Variants in SMARCC1 observed in about 807,000 individuals in gnomAD.
The protein encoded by SMARCC1 is SWI/SNF complex subunit SMARCC1.
A neutral mutation model predicts 147.4 loss-of-function variants in SMARCC1; 43 were observed. The observed-to-expected ratio is 0.29, with a 90% CI of 0.23 to 0.38. The LOEUF (loss-of-function observed/expected upper bound fraction) is 0.38. Ranked by LOEUF, SMARCC1 falls within the 10% of genes least tolerant of loss-of-function variation. The pLI, the probability that SMARCC1 is intolerant of heterozygous loss-of-function variation, is 1.00. For missense variants in SMARCC1, 1,119 were observed against 1,381.1 expected (o/e 0.81, Z 3.01); for synonymous variants, 495 against 484.4 (o/e 1.02, Z -0.29).
Position 47,590,050 on chromosome 3 carries a change from G to A in SMARCC1, c.3220+611C>T, listed in dbSNP as rs544926795. Reference sequence around the variant, plus strand: ...CAACCCTCAGGCCAAGGCTGAAGCCGAGCAAGAGCCTATGGGAGAAATGAC... The same window carrying A: ...CAACCCTCAGGCCAAGGCTGAAGCCAAGCAAGAGCCTATGGGAGAAATGAC... On this transcript the variant is annotated intron_variant, in intron 27 of 27. Coordinates refer to ENST00000254480, the MANE Select transcript of SMARCC1 (RefSeq NM_003074.4). Among the ~76,000 whole-genome samples, 66 of 152,258 alleles carry A rather than the reference G, an allele frequency of 4.3e-4. 1 individual carries two copies. In the South Asian group the frequency reaches 0.013, roughly 30 times the overall value.
At chr3:47,636,282 C>A in intron 22 of SMARCC1, 146 bp from the exon 23 acceptor site, 1 of 591,998 alleles carries the variant, frequency 1.7e-6, no homozygotes, top group South Asian at 2.1e-5. Context: ...GAGAACAGCT[C>A]GAAAAGAACT....
chr3:47,757,377 A>G (rs1345498336), intron 2 of SMARCC1, among the ~76,000 whole-genome samples: 1 of 152,212 alleles, frequency 6.6e-6, no homozygotes, highest in Non-Finnish European at 1.5e-5. Context: ...TGCTCACATT[A>G]ATTAATTATT....
intron 21 of SMARCC1, among the ~76,000 whole-genome samples, chr3:47,658,320 G>A (rs914514271): frequency 1.3e-5 from 2 of 152,172 alleles, no homozygotes; most frequent in Non-Finnish European, 2.9e-5. Flanking sequence ...CATTGAAGGA[G>A]TACAAGTCAA....
rs575710181 is a variant in SMARCC1 at position 47,706,662 on chromosome 3, T to C, written c.919-132A>G. On this transcript the variant is annotated intron_variant, in intron 9 of 27. Coordinates refer to ENST00000254480, the MANE Select transcript of SMARCC1 (RefSeq NM_003074.4). ...TAGTTCAGAGCAAATAAAAAGAATA[T>C]CATTAATCATCCAGGAACACCAGTA... 8 of 772,272 alleles carry C rather than the reference T, an allele frequency of 1.0e-5. No homozygotes were observed. In the East Asian group the frequency reaches 2.1e-4, roughly 20 times the overall value. 47.8% of individuals were successfully genotyped at this position (772,272 alleles called of 1,614,324 possible).
intron 27 of SMARCC1, among the ~76,000 whole-genome samples, chr3:47,589,591 AGTT>A (rs1214633554): frequency 2.6e-5 from 4 of 152,202 alleles, no homozygotes; most frequent in African/African-American, 7.2e-5. Flanking sequence ...AATTTTAAAA[AGTT>A]GTTGTGATCT....
intron 21 of SMARCC1, among the ~76,000 whole-genome samples, chr3:47,649,842 T>C (rs2033164011): frequency 6.6e-6 from 1 of 152,144 alleles, no homozygotes. Context: ...CCAACTCTCT[T>C]GAGGGAAAGG....
chr3:47,763,413 A>G (rs2034798345), intron 2 of SMARCC1, among the ~76,000 whole-genome samples: 2 of 151,760 alleles, frequency 1.3e-5, no homozygotes, highest in African/African-American at 4.8e-5. Flanking sequence ...GCTCTAAAAA[A>G]AAAAAAAATT....
chr3:47,761,118 G>T (rs1425739699), intron 2 of SMARCC1, among the ~76,000 whole-genome samples: 1 of 146,830 alleles, frequency 6.8e-6, no homozygotes, highest in Non-Finnish European at 1.5e-5. Flanking sequence ...GGGTAACAGA[G>T]CAAGACTCTG....
intron 15 of SMARCC1, 79 bp from the exon 16 acceptor site, chr3:47,678,390 C>A (rs953876582): frequency 3.5e-5 from 21 of 601,606 alleles, no homozygotes; most frequent in Non-Finnish European, 4.9e-5. Context: ...CAAAAATCTT[C>A]AGATTCCTTA....
intron 26 of SMARCC1, among the ~76,000 whole-genome samples, chr3:47,607,289 T>C (rs551752843): frequency 2.6e-5 from 4 of 152,246 alleles, no homozygotes; most frequent in Admixed American, 6.5e-5. Flanking sequence ...ATCCTGTGAG[T>C]GTGTGTAAAC....
chr3:47,609,939 TC>T, intron 26 of SMARCC1, 126 bp downstream of exon 26: 2 of 1,010,868 alleles, frequency 2.0e-6, no homozygotes, highest in South Asian at 3.1e-5. Context: ...CCTACAATTT[TC>T]TAGATGACAA....
At position 47,588,070 on chromosome 3, in the gene SMARCC1, T is replaced by G; in HGVS notation, c.*139A>C. On this transcript the variant is annotated 3_prime_UTR_variant, in exon 28 of 28. Coordinates refer to ENST00000254480, the MANE Select transcript of SMARCC1 (RefSeq NM_003074.4). The stretch of plus-strand genomic sequence containing the variant: ...TCAGAGAGAGGGGTGGTAAGAGGAG[T>G]GGGGAGGCACGGGACACGTGCTTGG... The G allele has an allele frequency of 9.4e-6, 6 of 640,814 alleles. No homozygotes were observed. Among genetic ancestry groups the G allele is most frequent in the East Asian group, 5.8e-5 (2 of 34,610 alleles). 39.7% of individuals were successfully genotyped at this position (640,814 alleles called of 1,614,324 possible).
At chr3:47,663,936 C>A in intron 19 of SMARCC1, 2 of 1,382,658 alleles carry the variant, frequency 1.4e-6, no homozygotes, top group Non-Finnish European at 2.0e-6. Context: ...CAACCCTGAG[C>A]CCAGGGTCTG....
chr3:47,710,887 G>A, intron 8 of SMARCC1, 79 bp from the exon 9 acceptor site: 1 of 1,203,372 alleles, frequency 8.3e-7, no homozygotes, highest in African/African-American at 1.5e-5. Flanking sequence ...AAGGAAACAA[G>A]CTGATTTATT....
At chr3:47,746,168 G>A (rs1406572058) in intron 2 of SMARCC1, among the ~76,000 whole-genome samples, 175 bp from the exon 3 acceptor site, 1 of 152,172 alleles carries the variant, frequency 6.6e-6, no homozygotes. Flanking sequence ...AGTAGATTAG[G>A]CTGGGCATGG....
Position 47,736,129 on chromosome 3 carries a change from G to A in SMARCC1, c.484-3C>T. On this transcript the variant is annotated splice_region_variant and splice_polypyrimidine_tract_variant and intron_variant, in intron 4 of 27. Coordinates refer to ENST00000254480, the MANE Select transcript of SMARCC1 (RefSeq NM_003074.4). ...TTGGGTCTGGTCAAACAATTGTTCT[G>A]AGGATGAAAAGAACAGACTTTCAAA... 1.3e-6 allele frequency: 2 copies of A among 1,526,088 alleles called. No homozygotes were observed. The highest frequency in any genetic ancestry group is 1.8e-6 in the Non-Finnish European group (2 of 1,112,868). The allele number at this position is 1,526,088 out of a possible 1,614,324, so 94.5% of individuals were successfully genotyped here.
chr3:47,741,453 G>A (rs2034508756), intron 3 of SMARCC1, among the ~76,000 whole-genome samples: 1 of 143,830 alleles, frequency 7.0e-6, no homozygotes, highest in Admixed American at 7.1e-5. Context: ...TAAATACATG[G>A]CAAAATATCT....
intron 24 of SMARCC1, among the ~76,000 whole-genome samples, chr3:47,627,998 C>T (rs1410511846): frequency 1.3e-5 from 2 of 152,074 alleles, no homozygotes; most frequent in African/African-American, 2.4e-5. Flanking sequence ...GCTGGGATTA[C>T]GGTGTGAGCC....
intron 21 of SMARCC1, among the ~76,000 whole-genome samples, chr3:47,656,774 C>A (rs914150608): frequency 6.6e-6 from 1 of 151,992 alleles, no homozygotes; most frequent in Non-Finnish European, 1.5e-5. Context: ...ATTAGCAGGG[C>A]ATGGTGGTAT....
Sources: gnomAD v4.1 joint callset for allele counts (sites outside exome capture counted in the v4.1 genomes callset) on GRCh38, gnomAD v4.1.1 for gene constraint, MANE v1.5 for transcripts, NCBI Gene and HGNC (gene_info 2026-07-23, HGNC 2026-07-21) for gene names.